ABLIM3: variants seen among roughly 807,000 people sequenced by gnomAD.
ABLIM3 encodes the protein actin binding LIM protein family member 3.
In ABLIM3, 61 loss-of-function variants were observed where a neutral mutation model predicts 109.5. The ratio of observed to expected loss-of-function variants is 0.56; its 90% CI spans 0.45 to 0.69. The LOEUF (loss-of-function observed/expected upper bound fraction) is 0.69, where lower values mean the gene tolerates loss of function less well. Among genes scored for constraint, ABLIM3 ranks in the 30% least tolerant of loss-of-function variants. ABLIM3 has a pLI of 0.00. For synonymous variants in ABLIM3, 300 were observed against 324.8 expected, an observed-to-expected ratio of 0.92 and a Z score of 0.82; for missense variants, 796 against 889.5, an observed-to-expected ratio of 0.89 and a Z score of 1.34.
chr5:149,213,518 T>C (rs1236654093), intron 7 of ABLIM3, among the ~76,000 whole-genome samples: 1 of 151,540 alleles, frequency 6.6e-6, no homozygotes, highest in African/African-American at 2.4e-5. Flanking sequence ...TTTGCAGAAC[T>C]GTGGGGAAGA....
chr5:149,230,386 C>A (rs1761726334), intron 8 of ABLIM3, among the ~76,000 whole-genome samples: 1 of 152,160 alleles, frequency 6.6e-6, no homozygotes. Context: ...TCACCCCCAA[C>A]TGGCAGGTAA....
intron 14 of ABLIM3, among the ~76,000 whole-genome samples, chr5:149,241,426 G>A (rs559461826): frequency 5.9e-5 from 9 of 152,282 alleles, no homozygotes; most frequent in African/African-American, 9.6e-5. Flanking sequence ...TAGATGGGGC[G>A]GTCAGGAAGA....
At chr5:149,166,073 G>A (rs554771191) in intron 2 of ABLIM3, among the ~76,000 whole-genome samples, 26 of 152,134 alleles carry the variant, frequency 1.7e-4, no homozygotes, top group Middle Eastern at 3.4e-3. Flanking sequence ...TATTCTTTTC[G>A]TTTATTTTTT....
chr5:149,145,101 A>T (rs1174169981), intron 2 of ABLIM3, among the ~76,000 whole-genome samples: 1 of 152,182 alleles, frequency 6.6e-6, no homozygotes, highest in African/African-American at 2.4e-5. Flanking sequence ...GGTACTGAGC[A>T]TAGTACCCAA....
chr5:149,199,774 T>G (rs1280549126), intron 4 of ABLIM3, among the ~76,000 whole-genome samples: 1 of 152,178 alleles, frequency 6.6e-6, no homozygotes, highest in East Asian at 1.9e-4. Flanking sequence ...TGTGTATGGT[T>G]CATAATTTAG....
At chr5:149,170,705 C>A (rs1234550721) in intron 2 of ABLIM3, among the ~76,000 whole-genome samples, 2 of 152,114 alleles carry the variant, frequency 1.3e-5, no homozygotes, top group Non-Finnish European at 2.9e-5. Flanking sequence ...AATATTTCCC[C>A]CAGACTACAC....
chr5:149,244,853 T>A, intron 15 of ABLIM3, 28 bp from the exon 16 acceptor site: 1 of 1,614,202 alleles, frequency 6.2e-7, no homozygotes, highest in Non-Finnish European at 8.5e-7. Context: ...TCTGCCTTCC[T>A]GAAGTGCTCT....
chr5:149,244,905 G>A lies in ABLIM3; in HGVS notation c.1376G>A (p.Ser459Asn), dbSNP rs868055949. ...GGTGATTTGTCTACAGCAACCAAGA[G>A]CAAAACAAGTGAAGACATCAGCCAG... Reference protein sequence around the residue: ...RHGDLSTATKSKTSEDISQTS... With the variant: ...RHGDLSTATKNKTSEDISQTS... The change falls in exon 16 of 24, where the codon AGC (serine) becomes AAC (asparagine). Residue 459 changes from serine to asparagine, a missense_variant. Transcript: ENST00000309868. The A allele has an allele frequency of 6.2e-7, 1 of 1,614,186 alleles. No individual in the cohort carries two copies. The highest frequency in any genetic ancestry group is 2.2e-5 in the East Asian group (1 of 44,874).
chr5:149,239,269 T>C lies in ABLIM3; in HGVS notation c.1066T>C (p.Tyr356His), dbSNP rs1482239995. 1 of 1,613,952 alleles carries C rather than the reference T, an allele frequency of 6.2e-7. No individual in the cohort carries two copies. Among genetic ancestry groups the C allele is most frequent in the Non-Finnish European group, 8.5e-7 (1 of 1,179,906 alleles). The part of the protein sequence containing the change: ...YGESLGTLSP[Y>H]SQDIYENLDL... ...TAAGTCGCTGGGAACATTATCTCCC[T>C]ACTCCCAGGTAATTCAGCTGATAGA... The change falls in exon 12 of 24, where the codon TAC (tyrosine) becomes CAC (histidine). Residue 356 changes from tyrosine (Y) to histidine (H), a missense_variant. By Grantham distance (83) the Tyr-to-His change is moderately conservative (BLOSUM62 2). Coordinates refer to ENST00000309868, the MANE Select transcript of ABLIM3 (RefSeq NM_014945.5).
chr5:149,205,641 T>C (rs778013376), intron 5 of ABLIM3, among the ~76,000 whole-genome samples: 6 of 152,208 alleles, frequency 3.9e-5, no homozygotes, highest in East Asian at 1.9e-4. Context: ...AGTAGACTTA[T>C]AGACTTACCC....
intron 3 of ABLIM3, among the ~76,000 whole-genome samples, chr5:149,193,354 C>T (rs1202356419): frequency 6.6e-6 from 1 of 151,684 alleles, no homozygotes; most frequent in Non-Finnish European, 1.5e-5. Context: ...ATCAAGACGC[C>T]ATTTACCTGA....
At position 149,206,976 on chromosome 5, in the gene ABLIM3, GCTTTGCTCAGCAGTGTCCT is replaced by G. The variant is rs1346734523; in HGVS notation, c.449-28_449-10del. 1 of 1,608,508 alleles carries G rather than the reference GCTTTGCTCAGCAGTGTCCT, an allele frequency of 6.2e-7. No homozygotes were observed. The highest frequency in any genetic ancestry group is 1.7e-5 in the Admixed American group (1 of 59,658). On this transcript the variant is annotated splice_polypyrimidine_tract_variant and intron_variant, in intron 5 of 23. Transcript: ENST00000309868. Reference sequence around the variant, plus strand: ...TAGCGGGGGTTAAAGGGCCCAGGGTGCTTTGCTCAGCAGTGTCCTCTTGTCTTGCAGACTGTGCCGGGTG... The same window carrying G: ...TAGCGGGGGTTAAAGGGCCCAGGGTGCTTGTCTTGCAGACTGTGCCGGGTG...
intron 8 of ABLIM3, among the ~76,000 whole-genome samples, chr5:149,229,418 T>C (rs1277297271): frequency 6.6e-6 from 1 of 152,202 alleles, no homozygotes; most frequent in African/African-American, 2.4e-5. Flanking sequence ...CACCTTATTG[T>C]TCTTCAGATG....
intron 23 of ABLIM3, among the ~76,000 whole-genome samples, chr5:149,253,978 C>T (rs1754198696): frequency 2.0e-5 from 3 of 152,296 alleles, no homozygotes; most frequent in Non-Finnish European, 2.9e-5. Context: ...AGTAAAGTCA[C>T]ATCTTACATG....
At chr5:149,189,027 A>C (rs1031993998) in intron 3 of ABLIM3, among the ~76,000 whole-genome samples, 3 of 152,250 alleles carry the variant, frequency 2.0e-5, no homozygotes, top group African/African-American at 7.2e-5. Flanking sequence ...ATAGAAATGA[A>C]TAAAATCAAA....
intron 2 of ABLIM3, 35 bp downstream of exon 2, chr5:149,142,143 AGGGGTG>A: frequency 2.1e-6 from 2 of 934,898 alleles, no homozygotes; most frequent in Non-Finnish European, 3.0e-6. Flanking sequence ...CCATGGGAAC[AGGGGTG>A]GGGGCGGGAG....
At chr5:149,204,503 T>C (rs1758781681) in intron 5 of ABLIM3, among the ~76,000 whole-genome samples, 1 of 152,184 alleles carries the variant, frequency 6.6e-6, no homozygotes, top group South Asian at 2.1e-4. Flanking sequence ...AAAAGCCACA[T>C]GGAGAAGATG....
At chr5:149,163,566 CCT>C (rs1368183033) in intron 2 of ABLIM3, among the ~76,000 whole-genome samples, 2 of 152,154 alleles carry the variant, frequency 1.3e-5, no homozygotes, top group East Asian at 3.9e-4. Flanking sequence ...GCATCTTCCC[CCT>C]GTGAGTTCCC....
intron 2 of ABLIM3, among the ~76,000 whole-genome samples, chr5:149,179,185 G>T (rs1053487681): frequency 2.6e-5 from 4 of 152,172 alleles, no homozygotes; most frequent in African/African-American, 9.7e-5. Context: ...TACAAATTTA[G>T]TTGTGGAATT....
Sources: allele counts gnomAD v4.1 joint callset (sites outside exome capture counted in the v4.1 genomes callset), GRCh38; gene constraint gnomAD v4.1.1; transcripts MANE v1.5; gene names NCBI Gene and HGNC (gene_info 2026-07-23, HGNC 2026-07-21).